The following ZNF878 variants were observed in gnomAD, a reference collection of about 807,000 sequenced individuals.
The protein encoded by ZNF878 is zinc finger protein 878.
ZNF878 carries 10 observed loss-of-function variants against 11.1 expected under a neutral mutation model. That is an observed-to-expected ratio of 0.90 (90% CI 0.56 to 1.53). The LOEUF (loss-of-function observed/expected upper bound fraction) is 1.53. ZNF878 is among the 40% of genes most tolerant of loss of function. The probability of loss-of-function intolerance (pLI) is 0.00; values close to 1 mark genes in which losing one functional copy is unlikely to be tolerated. For synonymous variants in ZNF878, 165 were observed against 209.7 expected (o/e 0.79, Z 1.84); for missense variants, 548 against 626.1 (o/e 0.88, Z 1.33).
Position 12,045,142 on chromosome 19 carries a change from C to G in ZNF878, c.259G>C (p.Val87Leu), listed in dbSNP as rs996703663. The G allele has an allele frequency of 1.2e-6, 2 of 1,612,920 alleles. No individual in the cohort carries two copies. Among genetic ancestry groups the G allele is most frequent in the Non-Finnish European group, 1.7e-6 (2 of 1,179,424 alleles). The change falls in exon 4 of 4, where the codon GTT (valine) becomes CTT (leucine). Residue 87 changes from valine to leucine, a missense_variant. Physicochemically the swap from Val to Leu is conservative, Grantham distance 32. This residue lies in a region of ZNF878 where 160 missense variants were observed against 173.3 expected (regional missense o/e 0.92). Coordinates refer to ENST00000547628, the MANE Select transcript of ZNF878 (RefSeq NM_001080404.3). ...SHQHGEVLTQ[V>L]PDDTLKKKTP... is the part of the protein sequence containing the mutation. ...TTCTTCTTCAGTGTGTCATCTGGAA[C>G]CTGTGTCAAAACTTCTCCATGCTGA...
intron 1 of ZNF878, among the ~76,000 whole-genome samples, chr19:12,047,122 C>T (rs1292330290): frequency 1.3e-5 from 2 of 152,164 alleles, no homozygotes; most frequent in Non-Finnish European, 2.9e-5. Flanking sequence ...TTAACGTGAG[C>T]AGCCCTAAGC....
chr19:12,047,482 T>C (rs1453101586), intron 1 of ZNF878, among the ~76,000 whole-genome samples: 1 of 151,870 alleles, frequency 6.6e-6, no homozygotes, highest in Non-Finnish European at 1.5e-5. Context: ...GAGAATCACT[T>C]GAACCCATGA....
At chr19:12,045,633 C>T (rs534111544) in intron 3 of ZNF878, among the ~76,000 whole-genome samples, 4 of 146,324 alleles carry the variant, frequency 2.7e-5, no homozygotes, top group Admixed American at 2.6e-4. Context: ...GGTGACAGAG[C>T]GAGACACTGT....
intron 3 of ZNF878, 87 bp from the exon 4 acceptor site, chr19:12,045,296 C>T (rs1211663740): frequency 2.7e-6 from 3 of 1,111,980 alleles, no homozygotes; most frequent in African/African-American, 1.6e-5. Context: ...TAACAGTGCC[C>T]AGCAAAGTGT....
rs745760062 is a variant in ZNF878 at position 12,044,453 on chromosome 19, A to T, written c.948T>A (p.Cys316Ter). The T allele has an allele frequency of 6.2e-7, 1 of 1,613,936 alleles. No individual in the cohort carries two copies. The highest frequency in any genetic ancestry group is 8.5e-7 in the Non-Finnish European group (1 of 1,179,986). Residue 316 changes from cysteine to a stop codon, truncating the protein, a stop_gained, in exon 4 of 4, where the codon TGT becomes TGA. Coordinates refer to ENST00000547628, the MANE Select transcript of ZNF878 (RefSeq NM_001080404.3). LOFTEE classifies it low-confidence loss of function (END_TRUNC). ...TGEKPYECKL[C>*]GKGFISSTSF... ...AAGTGGAAGAAATAAATCCCTTACC[A>T]CATAGCTTACACTCATAGGGTTTCT...
rs376559140 is a variant in ZNF878 at position 12,044,203 on chromosome 19, A to G, written c.1198T>C (p.Cys400Arg). The G allele has an allele frequency of 1.2e-6, 2 of 1,613,944 alleles. No homozygotes were observed. Among genetic ancestry groups the G allele is most frequent in the African/African-American group, 2.7e-5 (2 of 74,868 alleles). Residue 400 changes from cysteine to arginine, a missense_variant, in exon 4 of 4, where the codon TGT becomes CGT. Transcript: ENST00000547628. Reference sequence around the variant, plus strand: ...GAGGCAGATCTGAAGGCTTTCCCACATTGCTTACACTCATAGGGTTTCTCT... The same window carrying G: ...GAGGCAGATCTGAAGGCTTTCCCACGTTGCTTACACTCATAGGGTTTCTCT... ...TGEKPYECKQ[C>R]GKAFRSASVL...
rs770184116 is a variant in ZNF878 at position 12,045,153 on chromosome 19, A to G, written c.248T>C (p.Val83Ala). 1 of 1,612,680 alleles carries G rather than the reference A, an allele frequency of 6.2e-7. No individual in the cohort carries two copies. Among genetic ancestry groups the G allele is most frequent in the Non-Finnish European group, 8.5e-7 (1 of 1,179,294 alleles). Reference sequence around the variant, plus strand: ...TGTGTCATCTGGAACCTGTGTCAAAACTTCTCCATGCTGATGACTTTCTTT... The same window carrying G: ...TGTGTCATCTGGAACCTGTGTCAAAGCTTCTCCATGCTGATGACTTTCTTT... ...ESKESHQHGEVLTQVPDDTLK... is the reference protein window; with the variant it reads ...ESKESHQHGEALTQVPDDTLK... The change falls in exon 4 of 4, where the codon GTT becomes GCT. Residue 83 changes from valine (V) to alanine (A), a missense_variant. Val to Ala is a moderately conservative substitution (Grantham distance 64). This residue lies in a region of ZNF878 where 160 missense variants were observed against 173.3 expected (regional missense o/e 0.92). Transcript: ENST00000547628.
chr19:12,049,726 C>T (rs1268776308), intron 1 of ZNF878, among the ~76,000 whole-genome samples: 3 of 150,076 alleles, frequency 2.0e-5, no homozygotes, highest in Non-Finnish European at 4.4e-5. Flanking sequence ...GCTGAACTCA[C>T]GCCATTGTAC....
intron 1 of ZNF878, among the ~76,000 whole-genome samples, chr19:12,052,595 G>C (rs1376305538): frequency 6.6e-6 from 1 of 152,182 alleles, no homozygotes; most frequent in African/African-American, 2.4e-5. Flanking sequence ...CGCCGCGCAG[G>C]GACCGGACAG....
At chr19:12,048,235 TGGGCTG>T in intron 1 of ZNF878, among the ~76,000 whole-genome samples, 1 of 152,102 alleles carries the variant, frequency 6.6e-6, no homozygotes, top group Non-Finnish European at 1.5e-5. Flanking sequence ...ATGGCAGGCC[TGGGCTG>T]GGCGCGGTGG....
At position 12,044,893 on chromosome 19, in the gene ZNF878, G is replaced by GT. The variant is rs773648883; in HGVS notation, c.507dup (p.Pro170ThrfsTer3). ...TTCCCACACTGCTTACATTCATAGG[G>GT]TTTTTTTGCAGAGTGGATTCTTTCA... On this transcript the variant is annotated frameshift_variant, in exon 4 of 4. Coordinates refer to ENST00000547628, the MANE Select transcript of ZNF878 (RefSeq NM_001080404.3). LOFTEE classifies it low-confidence loss of function (END_TRUNC). The GT allele has an allele frequency of 1.5e-5, 24 of 1,614,126 alleles. No individual in the cohort carries two copies. The East Asian group carries it at 2.5e-4, about 16-fold the overall frequency.
Position 12,052,919 on chromosome 19 carries a change from A to G in ZNF878, c.-118T>C. The G allele has an allele frequency of 1.4e-6, 2 of 1,456,160 alleles. No individual in the cohort carries two copies. The highest frequency in any genetic ancestry group is 1.9e-6 in the Non-Finnish European group (2 of 1,080,334). 90.2% of individuals were successfully genotyped at this position (1,456,160 alleles called of 1,614,324 possible). A position where few individuals can be genotyped will look rare whatever the true frequency, so the allele number is the denominator to read the frequency against. On this transcript the variant is annotated 5_prime_UTR_variant, in exon 1 of 4. Coordinates refer to ENST00000547628, the MANE Select transcript of ZNF878 (RefSeq NM_001080404.3). ...GGAAGTAACTGGTCCCTCTCGGAGCAAGAAAGCCCCAGACCTTAACTAGCG... is the reference window on the plus strand; with the variant it reads ...GGAAGTAACTGGTCCCTCTCGGAGCGAGAAAGCCCCAGACCTTAACTAGCG...
chr19:12,051,359 G>T (rs888083318), intron 1 of ZNF878, among the ~76,000 whole-genome samples: 6 of 151,826 alleles, frequency 4.0e-5, no homozygotes, highest in Non-Finnish European at 7.4e-5. Flanking sequence ...GTACTAATTA[G>T]TTGTATTAAA....
downstream of ZNF878, chr19:12,043,797 T>C (rs373858064): frequency 1.8e-5 from 28 of 1,584,664 alleles, no homozygotes; most frequent in Admixed American, 2.0e-4. Context: ...CTTACATCCA[T>C]AGAGTTTCTA....
intron 3 of ZNF878, 93 bp from the exon 4 acceptor site, chr19:12,045,302 A>C: frequency 9.5e-7 from 1 of 1,050,982 alleles, no homozygotes; most frequent in South Asian, 1.7e-5. Flanking sequence ...TGCCCAGCAA[A>C]GTGTAGGCTT....
Position 12,044,590 on chromosome 19 carries a change from G to C in ZNF878, c.811C>G (p.Gln271Glu). Reference protein sequence around the residue: ...DKAFNCPSSFQYHERTHSGEK... With the variant: ...DKAFNCPSSFEYHERTHSGEK... ...CCACTGTGAGTCCTTTCATGATATT[G>C]AAAGGAACTGGGACAATTGAAGGCT... The change falls in exon 4 of 4, where the codon CAA becomes GAA. Residue 271 changes from glutamine to glutamate, a missense_variant. Transcript: ENST00000547628. 1 of 1,614,016 alleles carries C rather than the reference G, an allele frequency of 6.2e-7. No homozygotes were observed. Among genetic ancestry groups the C allele is most frequent in the Non-Finnish European group, 8.5e-7 (1 of 1,180,000 alleles).
chr19:12,052,359 G>T (rs913353741), intron 1 of ZNF878, among the ~76,000 whole-genome samples: 31 of 152,196 alleles, frequency 2.0e-4, no homozygotes, highest in Admixed American at 6.5e-4. Context: ...TTCATTAATC[G>T]CTGTTTGCTA....
intron 3 of ZNF878, among the ~76,000 whole-genome samples, chr19:12,045,780 G>T (rs1036447025): frequency 2.0e-5 from 3 of 152,052 alleles, no homozygotes; most frequent in African/African-American, 7.2e-5. Context: ...AGGCTGGAGT[G>T]CAGTGGCACC....
chr19:12,044,235 T>C lies in ZNF878; in HGVS notation c.1166A>G (p.His389Arg). 6.2e-7 allele frequency: 1 copy of C among 1,614,132 alleles called. No homozygotes were observed. Among genetic ancestry groups the C allele is most frequent in the African/African-American group, 1.3e-5 (1 of 75,028 alleles). Residue 389 changes from histidine to arginine, a missense_variant, in exon 4 of 4, where the codon CAC becomes CGC. Around this residue, in one of 3 missense-constraint regions of ZNF878, gnomAD observed 335 missense variants for 358.2 expected, o/e 0.94. Coordinates refer to ENST00000547628, the MANE Select transcript of ZNF878 (RefSeq NM_001080404.3). The stretch of plus-strand genomic sequence containing the variant: ...ACACTCATAGGGTTTCTCTCCAGTG[T>C]GAGTCCTTTCATGATAGTGAAAGGA... ...SNSFHYHERT[H>R]TGEKPYECKQ...
Sources: allele counts gnomAD v4.1 joint callset (sites outside exome capture counted in the v4.1 genomes callset), GRCh38; gene constraint gnomAD v4.1.1; regional missense constraint gnomAD v4.1.1; transcripts MANE v1.5; gene names NCBI Gene and HGNC (gene_info 2026-07-23, HGNC 2026-07-21).